The following CD300LB variants were observed in gnomAD, a reference collection of about 807,000 sequenced individuals.
The protein encoded by CD300LB is CMRF35-like molecule 7.
CD300LB carries 18 observed loss-of-function variants against 20.8 expected under a neutral mutation model. That is an observed-to-expected ratio of 0.87 (90% CI 0.60 to 1.28). The LOEUF is 1.28. Among genes scored for constraint, CD300LB ranks in the 50% most tolerant of loss-of-function variants. The pLI, the probability that CD300LB is intolerant of heterozygous loss-of-function variation, is 0.00. For missense variants in CD300LB, 222 were observed against 251.8 expected (o/e 0.88, Z 0.80); for synonymous variants, 91 against 91.3 (o/e 1.00, Z 0.02).
chr17:74,522,803 C>T lies in CD300LB; in HGVS notation c.541G>A (p.Glu181Lys). The change falls in exon 4 of 4, where the codon GAG becomes AAG. Residue 181 changes from glutamate (E) to lysine (K), a missense_variant. By Grantham distance (56) the Glu-to-Lys change is moderately conservative (BLOSUM62 1). Coordinates refer to ENST00000392621, the MANE Select transcript of CD300LB (RefSeq NM_174892.4). Reference protein sequence around the residue: ...WLKGSQRVPEEPGEQPIYMNF... With the variant: ...WLKGSQRVPEKPGEQPIYMNF... ...ATGTAGATAGGCTGTTCCCCTGGCT[C>T]CTCAGGGACCCTCTGAGACCCCTTC... 1.2e-6 allele frequency: 2 copies of T among 1,614,118 alleles called. No homozygotes were observed. The highest frequency in any genetic ancestry group is 2.2e-5 in the South Asian group (2 of 91,080).
intron 1 of CD300LB, 113 bp downstream of exon 1, chr17:74,531,198 C>T (rs907540417): frequency 8.6e-6 from 11 of 1,277,822 alleles, no homozygotes; most frequent in Admixed American, 3.0e-5. Context: ...GCACCTTTGT[C>T]GAATGACTTC....
rs1434905765 is a variant in CD300LB, at chr17:74,523,667, G to C, written c.371-16C>G. Reference sequence around the variant, plus strand: ...GCCGCTCCCTCTAGACACAGGCAAAGTCAGCCATGGGTTATTAGCACAGTT... The same window carrying C: ...GCCGCTCCCTCTAGACACAGGCAAACTCAGCCATGGGTTATTAGCACAGTT... On this transcript the variant is annotated splice_polypyrimidine_tract_variant and intron_variant, in intron 2 of 3. Transcript: ENST00000392621. The C allele has an allele frequency of 1.4e-5, 22 of 1,587,908 alleles. No individual in the cohort carries two copies. Among genetic ancestry groups the C allele is most frequent in the Non-Finnish European group, 1.8e-5 (21 of 1,156,150 alleles).
chr17:74,524,448 C>T (rs868367715), intron 2 of CD300LB, among the ~76,000 whole-genome samples: 6 of 152,148 alleles, frequency 3.9e-5, no homozygotes, highest in Middle Eastern at 3.4e-3. Flanking sequence ...ATGAACCAGG[C>T]GTGGTCATGT....
chr17:74,524,073 A>G (rs1315278683), intron 2 of CD300LB, among the ~76,000 whole-genome samples: 2 of 152,170 alleles, frequency 1.3e-5, no homozygotes, highest in East Asian at 1.9e-4. Flanking sequence ...TAGTCCAGAA[A>G]AAGGGAAAGG....
chr17:74,531,107 G>C (rs1309052158), intron 1 of CD300LB, among the ~76,000 whole-genome samples: 1 of 152,216 alleles, frequency 6.6e-6, no homozygotes, highest in African/African-American at 2.4e-5. Context: ...CTCAAGCCTG[G>C]AGTCTTCTTT....
chr17:74,525,838 GC>G lies in CD300LB; in HGVS notation c.279del (p.Leu94SerfsTer24). 6.2e-7 allele frequency: 1 copy of G among 1,614,128 alleles called. No individual in the cohort carries two copies. Among genetic ancestry groups the G allele is most frequent in the Non-Finnish European group, 8.5e-7 (1 of 1,180,024 alleles). ...TAAACATCTGCGTCATCTCGCCTGA[GC>G]CCCTCCATGGTCACAGTGAACGTGC... is the stretch of plus-strand genomic sequence containing the variant. ...KDRTFTVTME[G>X]LRRDDADVYW... On this transcript the variant is annotated frameshift_variant, in exon 2 of 4. Transcript: ENST00000392621. LOFTEE classifies it high-confidence loss of function.
intron 1 of CD300LB, among the ~76,000 whole-genome samples, chr17:74,530,105 G>A (rs913566154): frequency 2.6e-5 from 4 of 152,184 alleles, no homozygotes; most frequent in Non-Finnish European, 4.4e-5. Flanking sequence ...CCCGTTGAAC[G>A]GGCTGAAGGG....
rs908271922 is a variant in CD300LB, at chr17:74,521,900, C to T, written c.*838G>A. 28 of 985,330 alleles carry T rather than the reference C, an allele frequency of 2.8e-5. No individual in the cohort carries two copies. Among genetic ancestry groups the T allele is most frequent in the South Asian group, 4.7e-5 (1 of 21,296 alleles). The allele number at this position is 985,330 out of a possible 1,614,324, so 61.0% of individuals were successfully genotyped here. The stretch of plus-strand genomic sequence containing the variant: ...ATTAGTAACATGATTTCAACATCAC[C>T]GAAAAGGGAGGGTGCCATTTCCTGC... On this transcript the variant is annotated 3_prime_UTR_variant, in exon 4 of 4. Transcript: ENST00000392621.
At position 74,522,373 on chromosome 17, in the gene CD300LB, T is replaced by C. The variant is rs1399880174; in HGVS notation, c.*365A>G. 1 of 1,014,972 alleles carries C rather than the reference T, an allele frequency of 9.9e-7. No individual in the cohort carries two copies. The highest frequency in any genetic ancestry group is 1.2e-6 in the Non-Finnish European group (1 of 849,252). The allele number at this position is 1,014,972 out of a possible 1,614,324, so 62.9% of individuals were successfully genotyped here. A position where few individuals can be genotyped will look rare whatever the true frequency, so the allele number is the denominator to read the frequency against. Reference sequence around the variant, plus strand: ...GACGGTGTTGAGTTGGTCTCCGGAATGATGGAAGTCTAGGGCTGGGGGGGT... The same window carrying C: ...GACGGTGTTGAGTTGGTCTCCGGAACGATGGAAGTCTAGGGCTGGGGGGGT... On this transcript the variant is annotated 3_prime_UTR_variant, in exon 4 of 4. Coordinates refer to ENST00000392621, the MANE Select transcript of CD300LB (RefSeq NM_174892.4).
chr17:74,526,320 T>C (rs746925920), intron 1 of CD300LB, among the ~76,000 whole-genome samples: 31 of 152,234 alleles, frequency 2.0e-4, no homozygotes, highest in Admixed American at 7.9e-4. Context: ...CTGCTTAGCA[T>C]GTGACACCAT....
At position 74,525,711 on chromosome 17, in the gene CD300LB, C is replaced by T. The variant is rs1199927141; in HGVS notation, c.370+37G>A. 5 of 1,580,168 alleles carry T rather than the reference C, an allele frequency of 3.2e-6. No homozygotes were observed. In the East Asian group the frequency reaches 1.1e-4, roughly 35 times the overall value. On this transcript the variant is annotated intron_variant, in intron 2 of 3. Coordinates refer to ENST00000392621, the MANE Select transcript of CD300LB (RefSeq NM_174892.4). ...GAGCACTGACTTTCCCAGCCCTGAG[C>T]TCCAGGGCCTCCTTGTGTAGATGAG... is the stretch of plus-strand genomic sequence containing the variant.
chr17:74,526,347 C>T (rs538150970), intron 1 of CD300LB, among the ~76,000 whole-genome samples: 38 of 152,354 alleles, frequency 2.5e-4, no homozygotes, highest in African/African-American at 7.7e-4. Context: ...CTACCACCTT[C>T]TTTCCTTGTC....
chr17:74,531,154 TC>T (rs1245322885), intron 1 of CD300LB, among the ~76,000 whole-genome samples, 156 bp downstream of exon 1: 1 of 152,230 alleles, frequency 6.6e-6, no homozygotes, highest in East Asian at 1.9e-4. Context: ...CTTGATGTCC[TC>T]AGGCCCCGAA....
chr17:74,526,601 T>A (rs1295138239), intron 1 of CD300LB, among the ~76,000 whole-genome samples: 1 of 152,048 alleles, frequency 6.6e-6, no homozygotes, highest in African/African-American at 2.4e-5. Flanking sequence ...TAGTCTCAGC[T>A]ATGCGGGAGG....
intron 2 of CD300LB, among the ~76,000 whole-genome samples, chr17:74,525,342 G>A (rs114428054): frequency 0.016 from 2,366 of 152,204 alleles, 51 homozygotes; most frequent in African/African-American, 0.053. Context: ...AGAGGAGGGT[G>A]TTGTAAGACA....
intron 2 of CD300LB, among the ~76,000 whole-genome samples, chr17:74,523,920 G>T (rs767801454): frequency 5.3e-5 from 8 of 152,190 alleles, no homozygotes; most frequent in Non-Finnish European, 1.2e-4. Flanking sequence ...GGAGAGAGAG[G>T]TTTTTTCATA....
Position 74,526,053 on chromosome 17 carries a change from T to C in CD300LB, c.65A>G (p.Glu22Gly), listed in dbSNP as rs756186631. Residue 22 changes from glutamate (E) to glycine (G), a missense_variant, in exon 2 of 4, where the codon GAG becomes GGG. Glu to Gly is a moderately conservative substitution (Grantham distance 98). Coordinates refer to ENST00000392621, the MANE Select transcript of CD300LB (RefSeq NM_174892.4). ...LSGCFSIQGPESVRAPEQGSL... is the reference protein window; with the variant it reads ...LSGCFSIQGPGSVRAPEQGSL... The stretch of plus-strand genomic sequence containing the variant: ...CCCCTGCTCTGGGGCTCTCACAGAC[T>C]CTGGGCCTTGGATGGAGAAACAGCC... 6.2e-7 allele frequency: 1 copy of C among 1,613,718 alleles called. No homozygotes were observed. Among genetic ancestry groups the C allele is most frequent in the Non-Finnish European group, 8.5e-7 (1 of 1,179,772 alleles).
chr17:74,525,277 C>T lies in CD300LB; in HGVS notation c.370+471G>A, dbSNP rs569476388. ...GCACCTCCCTGGGGCTTTCTTACCC[C>T]GTGCTCATCTTACACAGCCAGATAA... On this transcript the variant is annotated intron_variant, in intron 2 of 3. Transcript: ENST00000392621. Among the ~76,000 whole-genome samples the T allele has an allele frequency of 3.2e-4, 48 of 152,286 alleles. 1 individual carries two copies. The highest frequency in any genetic ancestry group is 9.9e-4 in the African/African-American group (41 of 41,558).
chr17:74,523,772 T>A, intron 2 of CD300LB, 121 bp from the exon 3 acceptor site: 12 of 697,048 alleles, frequency 1.7e-5, no homozygotes, highest in South Asian at 1.6e-4. Flanking sequence ...AGTAGGAGGA[T>A]TTTTCTCTCC....
Sources: gnomAD v4.1 joint callset for allele counts (sites outside exome capture counted in the v4.1 genomes callset) on GRCh38, gnomAD v4.1.1 for gene constraint, MANE v1.5 for transcripts, NCBI Gene and HGNC (gene_info 2026-07-23, HGNC 2026-07-21) for gene names.